Variants in SHISA9 observed in about 807,000 individuals in gnomAD.
SHISA9 encodes the protein protein shisa-9.
Under a neutral mutation model 38.0 loss-of-function variants are expected in SHISA9, and 13 were observed. That is an observed-to-expected ratio of 0.34 (90% CI 0.22 to 0.54). SHISA9 has a LOEUF of 0.54. SHISA9 is among the 20% of genes least tolerant of loss of function. SHISA9 has a pLI of 0.91. For synonymous variants in SHISA9, 275 were observed against 242.0 expected, an observed-to-expected ratio of 1.14 and a Z score of -1.27; for missense variants, 538 against 575.8, an observed-to-expected ratio of 0.93 and a Z score of 0.67.
chr16:12,932,279 T>A (rs2937316), intron 2 of SHISA9, among the ~76,000 whole-genome samples: 163 of 152,316 alleles, frequency 1.1e-3, no homozygotes, highest in African/African-American at 3.9e-3. Flanking sequence ...TGCTGTATGA[T>A]AGGTGTTTCA....
At chr16:13,278,282 G>C in the SHISA9 span, among the ~76,000 whole-genome samples, 4 of 151,998 alleles carry the variant, frequency 2.6e-5, no homozygotes, top group Non-Finnish European at 5.9e-5. Flanking sequence ...GATCATGGTG[G>C]ATTATTTTTT....
chr16:13,176,394 C>T (rs1049042934), intron 2 of SHISA9, among the ~76,000 whole-genome samples: 4 of 152,238 alleles, frequency 2.6e-5, no homozygotes, highest in African/African-American at 9.6e-5. Context: ...GGTCACACCA[C>T]GCCTACTTCT....
At chr16:12,999,857 A>T (rs1220151860) in intron 2 of SHISA9, among the ~76,000 whole-genome samples, 4 of 152,206 alleles carry the variant, frequency 2.6e-5, no homozygotes, top group African/African-American at 9.6e-5. Flanking sequence ...AGTGTCCAAC[A>T]TCACTTTCTC....
intron 4 of SHISA9, among the ~76,000 whole-genome samples, chr16:13,221,531 G>A (rs1160166683): frequency 6.6e-6 from 1 of 150,912 alleles, no homozygotes; most frequent in African/African-American, 2.4e-5. Flanking sequence ...CCGAGAAAAC[G>A]GTCCTATATA....
At position 13,235,377 on chromosome 16, in the gene SHISA9, A is replaced by G. The variant is rs1433876999; in HGVS notation, c.1243A>G (p.Ile415Val). ...QHYPPPQPYF[I>V]TNSKTEVTV ...CTACCCACCCCCACAGCCATACTTC[A>G]TCACCAACAGCAAAACAGAAGTGAC... The change falls in exon 5 of 5, where the codon ATC becomes GTC. Residue 415 changes from isoleucine (I) to valine (V), a missense_variant. Physicochemically the swap from Ile to Val is conservative, Grantham distance 29 (BLOSUM62 3). Coordinates refer to ENST00000558583, the MANE Select transcript of SHISA9 (RefSeq NM_001145204.3). 6.5e-7 allele frequency: 1 copy of G among 1,539,622 alleles called. No homozygotes were observed. Among genetic ancestry groups the G allele is most frequent in the Non-Finnish European group, 8.7e-7 (1 of 1,146,844 alleles).
At chr16:13,394,328 G>C in the SHISA9 span, among the ~76,000 whole-genome samples, 2 of 152,208 alleles carry the variant, frequency 1.3e-5, no homozygotes, top group Admixed American at 6.5e-5. Context: ...GTGAGTTTGA[G>C]AGGTCTTTGC....
rs367862379 is a variant in SHISA9 at position 13,199,285 on chromosome 16, A to T, written c.692-4109A>T. Among the ~76,000 whole-genome samples, 64 of 152,296 alleles carry T rather than the reference A, an allele frequency of 4.2e-4. 2 individuals are homozygous for T. Among genetic ancestry groups the T allele is most frequent in the African/African-American group, 1.4e-3 (59 of 41,558 alleles). On this transcript the variant is annotated intron_variant, in intron 2 of 4. Transcript: ENST00000558583. ...CCAGGGGTAGGGGGGCCTACCATTGAGACATTAGTTAGCTTACTAATGTCC... is the reference window on the plus strand; with the variant it reads ...CCAGGGGTAGGGGGGCCTACCATTGTGACATTAGTTAGCTTACTAATGTCC...
chr16:13,243,081 A>T (rs941910417), downstream of SHISA9, among the ~76,000 whole-genome samples: 5 of 151,996 alleles, frequency 3.3e-5, no homozygotes, highest in Admixed American at 3.3e-4. Context: ...TCTACTGAAA[A>T]TACAAAAATT....
chr16:13,362,435 AAAAAC>A, the SHISA9 span, among the ~76,000 whole-genome samples: 55 of 152,210 alleles, frequency 3.6e-4, no homozygotes, highest in East Asian at 1.2e-3. Flanking sequence ...CTCAGACCAA[AAAAAC>A]AAAACAAAAC....
the SHISA9 span, among the ~76,000 whole-genome samples, chr16:13,554,313 C>T: frequency 7.9e-6 from 1 of 126,446 alleles, no homozygotes; most frequent in African/African-American, 2.9e-5. Flanking sequence ...AAAAAAAAAA[C>T]ACCTTTCATG....
chr16:12,979,151 A>G (rs1159194206), intron 2 of SHISA9, among the ~76,000 whole-genome samples: 1 of 152,212 alleles, frequency 6.6e-6, no homozygotes. Flanking sequence ...TGCCTTCAGC[A>G]ATTCTTGCAT....
chr16:13,520,062 C>T, the SHISA9 span, among the ~76,000 whole-genome samples: 4 of 152,138 alleles, frequency 2.6e-5, no homozygotes, highest in African/African-American at 7.2e-5. Context: ...CCATGAGAAC[C>T]ACAGCAAGAG....
At chr16:13,337,526 T>C in the SHISA9 span, among the ~76,000 whole-genome samples, 1 of 152,180 alleles carries the variant, frequency 6.6e-6, no homozygotes, top group Non-Finnish European at 1.5e-5. Flanking sequence ...CTAATATGGT[T>C]ACCATTCACC....
chr16:13,349,215 A>C, the SHISA9 span, among the ~76,000 whole-genome samples: 1 of 152,196 alleles, frequency 6.6e-6, no homozygotes, highest in African/African-American at 2.4e-5. Context: ...TGAGGTTTGC[A>C]AGGCAGCATC....
At chr16:13,550,851 C>T in the SHISA9 span, among the ~76,000 whole-genome samples, 17 of 151,990 alleles carry the variant, frequency 1.1e-4, 1 homozygote, top group Admixed American at 2.6e-4. Context: ...AGGCCAGGTG[C>T]AGTGGCTCAC....
the SHISA9 span, among the ~76,000 whole-genome samples, chr16:13,432,315 G>A: frequency 6.6e-6 from 1 of 152,264 alleles, no homozygotes; most frequent in East Asian, 1.9e-4. Context: ...CTGGGCAGGT[G>A]ACTATTTGCA....
intron 2 of SHISA9, among the ~76,000 whole-genome samples, chr16:12,919,148 C>A (rs2071296004): frequency 6.6e-6 from 1 of 150,654 alleles, no homozygotes; most frequent in Non-Finnish European, 1.5e-5. Context: ...GTTTAAGAAG[C>A]CAAGCAGTCA....
chr16:13,415,732 A>ATTATT, the SHISA9 span, among the ~76,000 whole-genome samples: 2 of 152,190 alleles, frequency 1.3e-5, no homozygotes, highest in Admixed American at 1.3e-4. Flanking sequence ...TATGGATATG[A>ATTATT]TTATTTTACT....
intron 2 of SHISA9, among the ~76,000 whole-genome samples, chr16:13,036,458 C>G (rs2073064828): frequency 6.6e-6 from 1 of 151,914 alleles, no homozygotes; most frequent in Non-Finnish European, 1.5e-5. Flanking sequence ...TAGTGTTTGT[C>G]TGAGGCCAGA....
Sources: gnomAD v4.1 joint callset for allele counts (sites outside exome capture counted in the v4.1 genomes callset) on GRCh38, gnomAD v4.1.1 for gene constraint, MANE v1.5 for transcripts, NCBI Gene and HGNC (gene_info 2026-07-23, HGNC 2026-07-21) for gene names.